The following PARG variants were observed in gnomAD, a reference collection of about 807,000 sequenced individuals.
PARG encodes the protein mitochondrial poly(ADP-ribose) glycohydrolase.
PARG carries 35 observed loss-of-function variants against 113.0 expected under a neutral mutation model. The observed-to-expected ratio is 0.31, with a 90% CI of 0.24 to 0.41. The LOEUF is 0.41. Among genes scored for constraint, PARG ranks in the 10% least tolerant of loss-of-function variants. PARG has a pLI of 1.00. For missense variants in PARG, 797 were observed against 1,169.4 expected, an observed-to-expected ratio of 0.68 and a Z score of 4.64; for synonymous variants, 330 against 409.9, an observed-to-expected ratio of 0.81 and a Z score of 2.36.
chr10:49,826,162 A>C (rs150821226), intron 16 of PARG, among the ~76,000 whole-genome samples: 1 of 152,338 alleles, frequency 6.6e-6, no homozygotes, highest in East Asian at 1.9e-4. Context: ...TTGAATGCAC[A>C]TTATCATGCC....
intron 6 of PARG, among the ~76,000 whole-genome samples, chr10:49,917,796 T>G (rs1837585326): frequency 7.0e-6 from 1 of 142,796 alleles, no homozygotes; most frequent in South Asian, 2.2e-4. Flanking sequence ...CCAGCCTGGG[T>G]GACAGGGCAA....
chr10:49,852,674 C>T (rs1171143235), intron 13 of PARG, among the ~76,000 whole-genome samples: 3 of 150,906 alleles, frequency 2.0e-5, no homozygotes, highest in African/African-American at 7.3e-5. Context: ...AAAAGATTCT[C>T]CCACCTCAGC....
chr10:49,882,458 A>C (rs1156531069), intron 8 of PARG, among the ~76,000 whole-genome samples: 3 of 152,052 alleles, frequency 2.0e-5, no homozygotes, highest in African/African-American at 4.8e-5. Context: ...TTGACTTTTC[A>C]ATAGGGGGCA....
At position 49,837,535 on chromosome 10, in the gene PARG, T is replaced by A. The variant is rs143344771; in HGVS notation, c.2541+4415A>T. On this transcript the variant is annotated intron_variant, in intron 15 of 17. Coordinates refer to ENST00000616448, the MANE Select transcript of PARG (RefSeq NM_003631.5). ...GTCTCCAAGTTGTGCTGTCAGTTTA[T>A]GTGAGACTCCTGCTGCTCATAACCA... is the stretch of plus-strand genomic sequence containing the variant. 2.0e-5 allele frequency among the ~76,000 whole-genome samples: 3 copies of A among 152,312 alleles called. No homozygotes were observed. The East Asian group carries it at 5.8e-4, about 29-fold the overall frequency.
Position 49,933,716 on chromosome 10 carries a change from C to A in PARG, c.732G>T (p.Gly244=). The A allele has an allele frequency of 6.2e-7, 1 of 1,611,714 alleles. No individual in the cohort carries two copies. ...CTTGCTGACAACTTGCACAGTCTTC[C>A]CCAGGATCGCAAGACTTGCTGCACT... is the stretch of plus-strand genomic sequence containing the variant. ...HQKCSKSCDP[G]EDCASCQQDE... Residue 244 remains glycine (G), a synonymous_variant, in exon 3 of 18, where the codon GGG becomes GGT. Coordinates refer to ENST00000616448, the MANE Select transcript of PARG (RefSeq NM_003631.5).
chr10:49,918,097 G>A (rs1218013191), intron 6 of PARG, among the ~76,000 whole-genome samples: 1 of 152,160 alleles, frequency 6.6e-6, no homozygotes, highest in Non-Finnish European at 1.5e-5. Flanking sequence ...GAACAGATTA[G>A]TAGTTGTCTG....
intron 11 of PARG, among the ~76,000 whole-genome samples, chr10:49,865,090 A>T (rs1403459799): frequency 6.6e-6 from 1 of 151,964 alleles, no homozygotes; most frequent in East Asian, 1.9e-4. Flanking sequence ...AGAAGACAAA[A>T]CCAAGACAAA....
At chr10:49,862,013 T>C (rs1281894718) in intron 11 of PARG, among the ~76,000 whole-genome samples, 7 of 151,968 alleles carry the variant, frequency 4.6e-5, no homozygotes, top group Non-Finnish European at 7.4e-5. Flanking sequence ...AGGAAAAATG[T>C]AGAAAAAATT....
rs184603305 is a variant in PARG at position 49,849,341 on chromosome 10, T to C, written c.2354-5709A>G. 7.7e-3 allele frequency among the ~76,000 whole-genome samples: 1,171 copies of C among 152,076 alleles called. 19 individuals carry two copies. The highest frequency in any genetic ancestry group is 0.027 in the African/African-American group (1,129 of 41,492). Reference sequence around the variant, plus strand: ...GAGAAAAAAGTTGAAGGACCCATACTACCTGATTTTAAGACTTATTATAAA... The same window carrying C: ...GAGAAAAAAGTTGAAGGACCCATACCACCTGATTTTAAGACTTATTATAAA... On this transcript the variant is annotated intron_variant, in intron 13 of 17. Transcript: ENST00000616448.
rs1470680042 is a variant in PARG at position 49,941,736 on chromosome 10, G to A, written c.-11C>T. On this transcript the variant is annotated 5_prime_UTR_variant, in exon 1 of 18. Transcript: ENST00000616448. ...GGGGCCCGCATTCATGCTGGGACCAGCAGCGCACTGTCCCCGGGCCGGCCC... is the reference window on the plus strand; with the variant it reads ...GGGGCCCGCATTCATGCTGGGACCAACAGCGCACTGTCCCCGGGCCGGCCC... The A allele has an allele frequency of 1.6e-5, 25 of 1,562,550 alleles. 1 individual carries two copies. The African/African-American group carries it at 2.7e-4, about 17-fold the overall frequency.
chr10:49,919,330 A>C (rs1837670434), intron 6 of PARG, among the ~76,000 whole-genome samples: 1 of 152,214 alleles, frequency 6.6e-6, no homozygotes. Flanking sequence ...AGAACCTAAG[A>C]TAGTGTTCAT....
Position 49,933,775 on chromosome 10 carries a change from C to A in PARG, c.673G>T (p.Asp225Tyr). 9 of 1,613,654 alleles carry A rather than the reference C, an allele frequency of 5.6e-6. No individual in the cohort carries two copies. In the South Asian group the frequency reaches 8.8e-5, roughly 16 times the overall value. The change falls in exon 3 of 18, where the codon GAT becomes TAT. Residue 225 changes from aspartate to tyrosine, a missense_variant. Asp to Tyr is a radical substitution (Grantham distance 160). This residue lies in a region of PARG where 284 missense variants were observed against 306.1 expected (regional missense o/e 0.93). Transcript: ENST00000616448. The stretch of plus-strand genomic sequence containing the variant: ...CTTTTGGCTTCTCTGGCCTGTTCAT[C>A]TTCTGTAGTCTGCTTTGCATTTGCA... ...KLANAKQTTE[D>Y]EQAREAKSHQ...
At chr10:49,893,219 A>G (rs1354063659) in intron 7 of PARG, among the ~76,000 whole-genome samples, 1 of 152,136 alleles carries the variant, frequency 6.6e-6, no homozygotes, top group African/African-American at 2.4e-5. Flanking sequence ...GAGAGTTGCA[A>G]CTGCTCCATA....
At chr10:49,861,194 A>G (rs1192499287) in intron 12 of PARG, among the ~76,000 whole-genome samples, 1 of 151,992 alleles carries the variant, frequency 6.6e-6, no homozygotes, top group African/African-American at 2.4e-5. Context: ...CCATCTGGTC[A>G]TCAACTGGGG....
chr10:49,938,336 GA>G (rs1389299388), intron 1 of PARG, among the ~76,000 whole-genome samples: 1 of 151,628 alleles, frequency 6.6e-6, no homozygotes, highest in Non-Finnish European at 1.5e-5. Context: ...TTTCCACTGA[GA>G]TCAGTAATTC....
chr10:49,881,712 T>C (rs1847225263), intron 8 of PARG, among the ~76,000 whole-genome samples: 2 of 152,176 alleles, frequency 1.3e-5, no homozygotes, highest in South Asian at 4.1e-4. Flanking sequence ...GAATAAGAGT[T>C]TGCCAGAAAA....
chr10:49,932,148 G>T lies in PARG; in HGVS notation c.1407C>A (p.Ile469=). The change falls in exon 4 of 18, where the codon ATC becomes ATA. Residue 469 remains isoleucine (I), a synonymous_variant. Coordinates refer to ENST00000616448, the MANE Select transcript of PARG (RefSeq NM_003631.5). The part of the protein sequence containing the change: ...EEMRRMPRCG[I]RLPLLRPSAN... ...CAGATGGTCTCAAGAGAGGCAGCCG[G>T]ATCCCACACCGAGGCATTCTTCTCA... 1 of 1,606,672 alleles carries T rather than the reference G, an allele frequency of 6.2e-7. No individual in the cohort carries two copies. The highest frequency in any genetic ancestry group is 8.5e-7 in the Non-Finnish European group (1 of 1,173,240).
intron 7 of PARG, among the ~76,000 whole-genome samples, chr10:49,893,306 C>T (rs1554841972): frequency 6.6e-6 from 1 of 152,170 alleles, no homozygotes; most frequent in Non-Finnish European, 1.5e-5. Flanking sequence ...ACTGGCATTT[C>T]TCCAGTGACA....
chr10:49,860,870 CACTA>C (rs1554835809), intron 12 of PARG, among the ~76,000 whole-genome samples: 1 of 152,074 alleles, frequency 6.6e-6, no homozygotes, highest in African/African-American at 2.4e-5. Flanking sequence ...GAACACAAAA[CACTA>C]ACATTAGTGA....
Sources: gnomAD v4.1 joint callset for allele counts (sites outside exome capture counted in the v4.1 genomes callset) on GRCh38, gnomAD v4.1.1 for gene constraint, gnomAD v4.1.1 regional missense constraint, MANE v1.5 for transcripts, NCBI Gene and HGNC (gene_info 2026-07-23, HGNC 2026-07-21) for gene names.